NEIL1: variants seen among roughly 807,000 people sequenced by gnomAD.
The protein encoded by NEIL1 is endonuclease 8-like 1.
A neutral mutation model predicts 44.2 loss-of-function variants in NEIL1; 31 were observed. The observed-to-expected ratio is 0.70, with a 90% CI of 0.53 to 0.95. The LOEUF (loss-of-function observed/expected upper bound fraction) is 0.95, where lower values mean the gene tolerates loss of function less well. NEIL1 is among the 40% of genes least tolerant of loss of function. NEIL1 has a pLI of 0.00. For missense variants in NEIL1, 549 were observed against 515.5 expected, an observed-to-expected ratio of 1.07 and a Z score of -0.63; for synonymous variants, 254 against 209.7, an observed-to-expected ratio of 1.21 and a Z score of -1.83.
At chr15:75,353,604 AGAG>A (rs368275356) in intron 5 of NEIL1, 132 bp from the exon 6 acceptor site, 1 of 938,612 alleles carries the variant, frequency 1.1e-6, no homozygotes, top group African/African-American at 1.6e-5. Context: ...TCACATCACC[AGAG>A]GAGGGAGAGT....
At chr15:75,354,114 T>C (rs1261476665) in intron 6 of NEIL1, 136 bp from the exon 7 acceptor site, 20 of 1,111,124 alleles carry the variant, frequency 1.8e-5, no homozygotes, top group Non-Finnish European at 2.4e-5. Flanking sequence ...GACTCTAACA[T>C]GGGGGATGTC....
At chr15:75,354,137 TA>T in intron 6 of NEIL1, 112 bp from the exon 7 acceptor site, 1 of 1,283,346 alleles carries the variant, frequency 7.8e-7, no homozygotes, top group Non-Finnish European at 1.1e-6. Flanking sequence ...AGAGGCTTCC[TA>T]AGGGAGAAGC....
In NEIL1 at chr15:75,355,011, C is replaced by T; in HGVS notation, c.1150C>T (p.Pro384Ser). 1.2e-6 allele frequency: 2 copies of T among 1,613,998 alleles called. No homozygotes were observed. The highest frequency in any genetic ancestry group is 1.7e-6 in the Non-Finnish European group (2 of 1,179,960). ...CAAGGCTGACATCCCATCCTTGGAA[C>T]CAGAGGGGACCTCAGCCTCTTAGCA... ...KVKADIPSLE[P>S]EGTSAS The change falls in exon 10 of 10, where the codon CCA (proline) becomes TCA (serine). Residue 384 changes from proline (P) to serine (S), a missense_variant. Transcript: ENST00000355059.
chr15:75,353,623 C>T (rs909879190), intron 5 of NEIL1, 116 bp from the exon 6 acceptor site: 5 of 1,085,488 alleles, frequency 4.6e-6, no homozygotes, highest in Non-Finnish European at 7.1e-6. Flanking sequence ...AGAGTGTGGC[C>T]CCTGACTCAG....
In NEIL1 at chr15:75,355,036, A is replaced by C; in HGVS notation, c.*2A>C. ...CCAGAGGGGACCTCAGCCTCTTAGC[A>C]GGAGGCTCTCCTTGCTTGCACTCAC... On this transcript the variant is annotated 3_prime_UTR_variant, in exon 10 of 10. Coordinates refer to ENST00000355059, the MANE Select transcript of NEIL1 (RefSeq NM_024608.4). The C allele has an allele frequency of 6.2e-7, 1 of 1,613,482 alleles. No homozygotes were observed. Among genetic ancestry groups the C allele is most frequent in the East Asian group, 2.2e-5 (1 of 44,856 alleles).
At chr15:75,348,197 C>A in intron 1 of NEIL1, 1 of 702,960 alleles carries the variant, frequency 1.4e-6, no homozygotes. Context: ...CTCGTCCTGG[C>A]CCCTGCCCTG....
chr15:75,351,210 C>T (rs2071857635), intron 2 of NEIL1: 1 of 449,714 alleles, frequency 2.2e-6, no homozygotes, highest in South Asian at 1.6e-5. Context: ...TGTGGCCACA[C>T]TGTTCTCATG....
chr15:75,348,462 G>C (rs886791326), intron 1 of NEIL1: 284 of 1,029,390 alleles, frequency 2.8e-4, no homozygotes, highest in Non-Finnish European at 3.2e-4. Context: ...TGTGCGGAGG[G>C]GGTGCTCCCT....
rs751427324 is a variant in NEIL1 at position 75,354,944 on chromosome 15, C to T, written c.1103-20C>T. Reference sequence around the variant, plus strand: ...AGCCCCTGGAGTCTTAGCTGACCATCTTGCCTGTTCTTCCCCCAGGCCACT... The same window carrying T: ...AGCCCCTGGAGTCTTAGCTGACCATTTTGCCTGTTCTTCCCCCAGGCCACT... On this transcript the variant is annotated intron_variant, in intron 9 of 9. Transcript: ENST00000355059. 2.5e-6 allele frequency: 4 copies of T among 1,613,818 alleles called. No individual in the cohort carries two copies. In the African/African-American group the frequency reaches 4.0e-5, roughly 16 times the overall value.
intron 2 of NEIL1, chr15:75,349,645 C>G: frequency 3.0e-6 from 1 of 335,332 alleles, no homozygotes; most frequent in African/African-American, 2.1e-5. Context: ...GAAACCCTGT[C>G]TCTACTGAAA....
chr15:75,354,052 G>T (rs1457722254), intron 6 of NEIL1, 186 bp downstream of exon 6: 3 of 1,041,844 alleles, frequency 2.9e-6, no homozygotes, highest in Non-Finnish European at 4.2e-6. Flanking sequence ...AGTAGCCCAA[G>T]GCAGGTAGCC....
chr15:75,353,254 C>CACACACACG (rs2072075774), intron 5 of NEIL1: 1 of 255,254 alleles, frequency 3.9e-6, no homozygotes, highest in Non-Finnish European at 7.9e-6. Flanking sequence ...CACACACGCA[C>CACACACACG]GTTTATATAT....
rs1024220447 is a variant in NEIL1 at position 75,355,092 on chromosome 15, G to T, written c.*58G>T. On this transcript the variant is annotated 3_prime_UTR_variant, in exon 10 of 10. Coordinates refer to ENST00000355059, the MANE Select transcript of NEIL1 (RefSeq NM_024608.4). ...CTTATTGTCTTGCCCTGCATCTGGG[G>T]GTCTGAATTTTTGGGAGCAGGCAAT... is the stretch of plus-strand genomic sequence containing the variant. 2.0e-6 allele frequency: 3 copies of T among 1,528,246 alleles called. No individual in the cohort carries two copies. In the African/African-American group the frequency reaches 4.1e-5, roughly 21 times the overall value. 94.7% of individuals were successfully genotyped at this position (1,528,246 alleles called of 1,614,324 possible). A position where few individuals can be genotyped will look rare whatever the true frequency, so the allele number is the denominator to read the frequency against.
intron 8 of NEIL1, 70 bp downstream of exon 8, chr15:75,354,562 T>C: frequency 6.2e-7 from 1 of 1,613,064 alleles, no homozygotes; most frequent in Non-Finnish European, 8.5e-7. Flanking sequence ...GGCAGCTGCC[T>C]TACCCTAAGA....
chr15:75,355,892 C>G lies in NEIL1; in HGVS notation c.*858C>G. 1 of 1,614,040 alleles carries G rather than the reference C, an allele frequency of 6.2e-7. No homozygotes were observed. Reference sequence around the variant, plus strand: ...CCCAGAGCCTTCTACAAACAAAACCCCAGCCCCAGGGACTCAGTGTGGCGG... The same window carrying G: ...CCCAGAGCCTTCTACAAACAAAACCGCAGCCCCAGGGACTCAGTGTGGCGG... On this transcript the variant is annotated 3_prime_UTR_variant, in exon 10 of 10. Transcript: ENST00000355059.
At chr15:75,354,047 C>A in intron 6 of NEIL1, 181 bp downstream of exon 6, 1 of 1,061,286 alleles carries the variant, frequency 9.4e-7, no homozygotes, top group Non-Finnish European at 1.4e-6. Flanking sequence ...GTGGAAGTAG[C>A]CCAAGGCAGG....
In NEIL1 at chr15:75,355,756, C is replaced by T. The variant is rs1477471926; in HGVS notation, c.*722C>T. ...CCAGACTTCCCACCCCCACCCCAAG[C>T]GTGAGGATGGGCCCTAAGGGGACTG... On this transcript the variant is annotated 3_prime_UTR_variant, in exon 10 of 10. Transcript: ENST00000355059. The T allele has an allele frequency of 2.5e-6, 2 of 813,444 alleles. No individual in the cohort carries two copies. The highest frequency in any genetic ancestry group is 3.7e-6 in the Non-Finnish European group (2 of 536,368). 50.4% of individuals were successfully genotyped at this position (813,444 alleles called of 1,614,324 possible). A position where few individuals can be genotyped will look rare whatever the true frequency, so the allele number is the denominator to read the frequency against.
At chr15:75,353,299 T>C (rs1021536006) in intron 5 of NEIL1, 9 of 280,662 alleles carry the variant, frequency 3.2e-5, no homozygotes, top group Non-Finnish European at 6.5e-5. Flanking sequence ...CCATGTTGCC[T>C]GGACTAGCCT....
rs369173316 is a variant in NEIL1 at position 75,354,706 on chromosome 15, C to T, written c.990C>T (p.Asp330=). ...APSRTRRAKR[D]LPKRTATQRP... ...CCAGGACACGAAGGGCAAAGAGAGA[C>T]CTTCCTAAGAGGACTGCAACCCAGC... is the stretch of plus-strand genomic sequence containing the variant. Residue 330 remains aspartate, a synonymous_variant, in exon 9 of 10, where the codon GAC becomes GAT. Transcript: ENST00000355059. 7.1e-5 allele frequency: 115 copies of T among 1,614,070 alleles called. 1 individual carries two copies. The highest frequency in any genetic ancestry group is 1.2e-4 in the Admixed American group (7 of 60,008).
Sources: gnomAD v4.1 joint callset for allele counts on GRCh38, gnomAD v4.1.1 for gene constraint, MANE v1.5 for transcripts, NCBI Gene and HGNC (gene_info 2026-07-23, HGNC 2026-07-21) for gene names.